SPPL3: variants seen among roughly 807,000 people sequenced by gnomAD.
The protein encoded by SPPL3 is signal peptide peptidase like 3, also known as signal peptide peptidase-like 3.
SPPL3 carries 5 observed loss-of-function variants against 42.4 expected under a neutral mutation model. The ratio of observed to expected loss-of-function variants is 0.12; its 90% CI spans 0.06 to 0.25. The LOEUF (loss-of-function observed/expected upper bound fraction) is 0.25, where lower values mean the gene tolerates loss of function less well. Ranked by LOEUF, SPPL3 falls within the 10% of genes least tolerant of loss-of-function variation. The pLI, the probability that SPPL3 is intolerant of heterozygous loss-of-function variation, is 1.00. For missense variants in SPPL3, 235 were observed against 489.0 expected (o/e 0.48, Z 4.90); for synonymous variants, 195 against 181.8 (o/e 1.07, Z -0.58).
intron 1 of SPPL3, among the ~76,000 whole-genome samples, chr12:120,823,621 T>TA (rs996225860): frequency 1.3e-5 from 2 of 152,182 alleles, no homozygotes; most frequent in Non-Finnish European, 2.9e-5. Context: ...CTTTACTTCT[T>TA]ACTCCACATC....
rs75991226 is a variant in SPPL3, at chr12:120,894,990, C to T, written c.23+8855G>A. Among the ~76,000 whole-genome samples, 638 of 152,042 alleles carry T rather than the reference C, an allele frequency of 4.2e-3. 6 individuals are homozygous for T. Among genetic ancestry groups the T allele is most frequent in the African/African-American group, 0.014 (594 of 41,506 alleles). Reference sequence around the variant, plus strand: ...ACAAACAAACCTGCTAACAGCTCCTCCTCAGGCATTTTTAGAAGGGTAGAA... The same window carrying T: ...ACAAACAAACCTGCTAACAGCTCCTTCTCAGGCATTTTTAGAAGGGTAGAA... On this transcript the variant is annotated intron_variant, in intron 1 of 10. Coordinates refer to ENST00000353487, the MANE Select transcript of SPPL3 (RefSeq NM_139015.5).
Position 120,768,371 on chromosome 12 carries a change from G to C in SPPL3, c.727C>G (p.Arg243Gly), listed in dbSNP as rs1440965481. 6.2e-7 allele frequency: 1 copy of C among 1,614,154 alleles called. No homozygotes were observed. The highest frequency in any genetic ancestry group is 1.7e-5 in the Admixed American group (1 of 60,024). The stretch of plus-strand genomic sequence containing the variant: ...GGCAGAGACAGGCGAGGAACATCAC[G>C]CCCAACATTGGGCCCCAGGTGGAGC... ...RKLHLGPNVG[R>G]DVPRLSLPGK... The change falls in exon 8 of 11, where the codon CGT becomes GGT. Residue 243 changes from arginine to glycine, a missense_variant. Arg to Gly is a moderately radical substitution (Grantham distance 125, BLOSUM62 -2). This residue lies in a region of SPPL3 where 20 missense variants were observed against 28.2 expected (regional missense o/e 0.71). Transcript: ENST00000353487.
intron 1 of SPPL3, among the ~76,000 whole-genome samples, chr12:120,823,981 C>T (rs966347462): frequency 1.4e-4 from 22 of 152,014 alleles, no homozygotes; most frequent in Admixed American, 5.2e-4. Flanking sequence ...CACCATTCTC[C>T]TGCCTCAGCC....
At chr12:120,794,251 C>T (rs1303150861) in intron 2 of SPPL3, among the ~76,000 whole-genome samples, 1 of 149,026 alleles carries the variant, frequency 6.7e-6, no homozygotes, top group Non-Finnish European at 1.5e-5. Flanking sequence ...CATATCTTTT[C>T]CTAACCTTTT....
chr12:120,901,140 A>G (rs750378534), intron 1 of SPPL3, among the ~76,000 whole-genome samples: 1 of 152,188 alleles, frequency 6.6e-6, no homozygotes, highest in Admixed American at 6.6e-5. Context: ...TACTTTAAAC[A>G]TACCACTTGG....
intron 1 of SPPL3, among the ~76,000 whole-genome samples, chr12:120,853,976 G>GCACGCACA: frequency 1.6e-5 from 1 of 64,198 alleles, no homozygotes; most frequent in East Asian, 4.8e-4. Context: ...CCACACACAC[G>GCACGCACA]CACACATACA....
At chr12:120,796,355 G>A (rs545490132) in intron 2 of SPPL3, among the ~76,000 whole-genome samples, 8 of 152,232 alleles carry the variant, frequency 5.3e-5, no homozygotes, top group South Asian at 2.1e-4. Flanking sequence ...CAGCCTGGAC[G>A]ACAGAGCAAC....
intron 1 of SPPL3, among the ~76,000 whole-genome samples, chr12:120,817,470 C>T (rs1870921325): frequency 1.3e-5 from 2 of 152,060 alleles, no homozygotes; most frequent in Admixed American, 1.3e-4. Context: ...TTTTAATCAC[C>T]CAATATTTAC....
At chr12:120,827,397 T>C (rs2137014135) in intron 1 of SPPL3, among the ~76,000 whole-genome samples, 1 of 151,166 alleles carries the variant, frequency 6.6e-6, no homozygotes, top group Admixed American at 6.6e-5. Context: ...AATAATACTT[T>C]GGGGGCTCTT....
At chr12:120,785,758 G>A (rs1428424351) in intron 3 of SPPL3, among the ~76,000 whole-genome samples, 1 of 150,376 alleles carries the variant, frequency 6.6e-6, no homozygotes, top group African/African-American at 2.4e-5. Flanking sequence ...ATCACTTGAG[G>A]CCAGGAGTTC....
chr12:120,787,224 G>T (rs1005808654), intron 3 of SPPL3, among the ~76,000 whole-genome samples: 3 of 152,158 alleles, frequency 2.0e-5, no homozygotes, highest in Non-Finnish European at 2.9e-5. Flanking sequence ...TAAGCAAGAA[G>T]ATTAAGATGT....
chr12:120,811,840 T>C (rs1261646565), intron 1 of SPPL3, among the ~76,000 whole-genome samples: 1 of 152,066 alleles, frequency 6.6e-6, no homozygotes, highest in African/African-American at 2.4e-5. Context: ...AATTTCACCC[T>C]AAAGAAATAA....
chr12:120,789,938 CATA>C (rs1006486395), intron 3 of SPPL3, among the ~76,000 whole-genome samples: 4 of 149,800 alleles, frequency 2.7e-5, no homozygotes, highest in South Asian at 2.1e-4. Context: ...TAAACTTAGA[CATA>C]ATAATATAGG....
chr12:120,845,207 G>A, intron 1 of SPPL3: 1 of 449,378 alleles, frequency 2.2e-6, no homozygotes, highest in South Asian at 1.8e-5. Context: ...CAGTTCATGT[G>A]GCAAAGGGAG....
chr12:120,830,230 A>C (rs12825746), intron 1 of SPPL3, among the ~76,000 whole-genome samples: 40,693 of 94,032 alleles, frequency 0.43, 10,491 homozygotes, highest in Middle Eastern at 0.61. Flanking sequence ...AAAGATGACT[A>C]CGACCAAGCA....
intron 2 of SPPL3, among the ~76,000 whole-genome samples, chr12:120,797,205 G>GATGA (rs1354133783): frequency 6.6e-6 from 1 of 151,934 alleles, no homozygotes; most frequent in Admixed American, 6.6e-5. Context: ...AAAAAATTGG[G>GATGA]ATGAATGTTC....
At chr12:120,792,659 C>A (rs1232595757) in intron 2 of SPPL3, among the ~76,000 whole-genome samples, 1 of 144,042 alleles carries the variant, frequency 6.9e-6, no homozygotes, top group Non-Finnish European at 1.5e-5. Context: ...AAGATTGCGC[C>A]ACTGCACTCC....
chr12:120,791,663 C>T (rs2097315560), intron 2 of SPPL3, 106 bp from the exon 3 acceptor site: 1 of 707,510 alleles, frequency 1.4e-6, no homozygotes, highest in South Asian at 1.6e-5. Context: ...GAAAGAAGGT[C>T]TCTTTTGAAC....
rs530322525 is a variant in SPPL3, at chr12:120,885,742, G to A, written c.23+18103C>T. Among the ~76,000 whole-genome samples the A allele has an allele frequency of 4.0e-5, 6 of 151,848 alleles. No homozygotes were observed. In the South Asian group the frequency reaches 8.3e-4, roughly 21 times the overall value. ...ATTGCCTCCAGGAGCTAGGTAAACA[G>A]CATAAATGAGTGAGGTAGAGATTCA... On this transcript the variant is annotated intron_variant, in intron 1 of 10. Transcript: ENST00000353487.
Sources: gnomAD v4.1 joint callset for allele counts (sites outside exome capture counted in the v4.1 genomes callset) on GRCh38, gnomAD v4.1.1 for gene constraint, gnomAD v4.1.1 regional missense constraint, MANE v1.5 for transcripts, NCBI Gene and HGNC (gene_info 2026-07-23, HGNC 2026-07-21) for gene names.